PELO: variants seen among roughly 807,000 people sequenced by gnomAD.
PELO encodes the protein protein pelota homolog.
PELO carries 19 observed loss-of-function variants against 25.9 expected under a neutral mutation model. That is an observed-to-expected ratio of 0.73 (90% CI 0.51 to 1.08). The LOEUF (loss-of-function observed/expected upper bound fraction) is 1.08, where lower values mean the gene tolerates loss of function less well. PELO is among the 50% of genes least tolerant of loss of function. PELO has a pLI of 0.00. For synonymous variants in PELO, 196 were observed against 192.2 expected, an observed-to-expected ratio of 1.02 and a Z score of -0.16; for missense variants, 498 against 491.4, an observed-to-expected ratio of 1.01 and a Z score of -0.13.
At chr5:52,797,142 A>G (rs1203916042) in intron 1 of PELO, among the ~76,000 whole-genome samples, 1 of 152,098 alleles carries the variant, frequency 6.6e-6, no homozygotes, top group Non-Finnish European at 1.5e-5. Flanking sequence ...AATCTGGGTG[A>G]AAACATCTAA....
Position 52,802,065 on chromosome 5 carries a change from T to C in PELO, c.*225T>C, listed in dbSNP as rs1413691237. 2.2e-6 allele frequency: 1 copy of C among 446,148 alleles called. No individual in the cohort carries two copies. Among genetic ancestry groups the C allele is most frequent in the African/African-American group, 2.0e-5 (1 of 50,548 alleles). The allele number at this position is 446,148 out of a possible 1,614,324, so 27.6% of individuals were successfully genotyped here. A position where few individuals can be genotyped will look rare whatever the true frequency, so the allele number is the denominator to read the frequency against. On this transcript the variant is annotated 3_prime_UTR_variant, in exon 3 of 3. Transcript: ENST00000274311. ...GTACTACCATCTTGATTAAATTGTG[T>C]AATTTTTTATAGGAATTATGAGTTA...
At position 52,802,315 on chromosome 5, in the gene PELO, C is replaced by T. The variant is rs1322240330; in HGVS notation, c.*475C>T. On this transcript the variant is annotated 3_prime_UTR_variant, in exon 3 of 3. Coordinates refer to ENST00000274311, the MANE Select transcript of PELO (RefSeq NM_015946.5). The stretch of plus-strand genomic sequence containing the variant: ...CTTTTCTCCCCACCTCCACACACTA[C>T]ATTTTTTTTAGATTTAAATAGTTTT... The T allele has an allele frequency of 6.6e-6, 1 of 152,326 alleles. No homozygotes were observed. The highest frequency in any genetic ancestry group is 1.5e-5 in the Non-Finnish European group (1 of 68,150). 9.4% of individuals were successfully genotyped at this position (152,326 alleles called of 1,614,324 possible). A position where few individuals can be genotyped will look rare whatever the true frequency, so the allele number is the denominator to read the frequency against.
chr5:52,795,839 T>C (rs1193000812), intron 1 of PELO, among the ~76,000 whole-genome samples: 2 of 151,914 alleles, frequency 1.3e-5, no homozygotes, highest in African/African-American at 4.8e-5. Flanking sequence ...TTATTTATCA[T>C]TTAGAATGAA....
At chr5:52,789,814 C>G (rs1243372694) in intron 1 of PELO, among the ~76,000 whole-genome samples, 1 of 152,164 alleles carries the variant, frequency 6.6e-6, no homozygotes, top group Non-Finnish European at 1.5e-5. Flanking sequence ...ACCAAATAAG[C>G]AGTCTCTAGA....
At chr5:52,788,444 C>G (rs540338895) in intron 1 of PELO, 30 bp downstream of exon 1, 3 of 1,470,152 alleles carry the variant, frequency 2.0e-6, no homozygotes, top group East Asian at 2.9e-5. Flanking sequence ...CTGAGCATCT[C>G]CTGCTCGCGG....
intron 1 of PELO, among the ~76,000 whole-genome samples, chr5:52,792,093 G>A (rs993023141): frequency 1.3e-5 from 2 of 152,190 alleles, no homozygotes; most frequent in African/African-American, 4.8e-5. Flanking sequence ...AGCATTAAGT[G>A]TAACTCAAGT....
At chr5:52,798,089 T>C (rs1303862981) in intron 1 of PELO, among the ~76,000 whole-genome samples, 2 of 152,174 alleles carry the variant, frequency 1.3e-5, no homozygotes, top group African/African-American at 4.8e-5. Context: ...CAATTAGGAA[T>C]TTTAAGTTAA....
chr5:52,801,547 C>A lies in PELO; in HGVS notation c.865C>A (p.Pro289Thr). 1.9e-6 allele frequency: 3 copies of A among 1,614,124 alleles called. No individual in the cohort carries two copies. Among genetic ancestry groups the A allele is most frequent in the Non-Finnish European group, 2.5e-6 (3 of 1,180,018 alleles). The change falls in exon 3 of 3, where the codon CCG (proline) becomes ACG (threonine). Residue 289 changes from proline to threonine, a missense_variant. Coordinates refer to ENST00000274311, the MANE Select transcript of PELO (RefSeq NM_015946.5). Reference protein sequence around the residue: ...DDFYKMLQHEPDRAFYGLKQV... With the variant: ...DDFYKMLQHETDRAFYGLKQV... ...CTTCTATAAAATGTTACAGCATGAACCGGATCGAGCTTTCTATGGACTCAA... is the reference window on the plus strand; with the variant it reads ...CTTCTATAAAATGTTACAGCATGAAACGGATCGAGCTTTCTATGGACTCAA...
At position 52,796,810 on chromosome 5, in the gene PELO, A is replaced by G. The variant is rs186054055; in HGVS notation, c.-510-3075A>G. On this transcript the variant is annotated intron_variant, in intron 1 of 2. Coordinates refer to ENST00000274311, the MANE Select transcript of PELO (RefSeq NM_015946.5). The stretch of plus-strand genomic sequence containing the variant: ...TAAATTAACATGGATTCAAGTTTAC[A>G]TGGTTTCAAGTTTGAGATAACATTT... Among the ~76,000 whole-genome samples the G allele has an allele frequency of 1.8e-4, 28 of 152,238 alleles. 1 individual carries two copies. Among genetic ancestry groups the G allele is most frequent in the African/African-American group, 6.3e-4 (26 of 41,570 alleles).
intron 1 of PELO, among the ~76,000 whole-genome samples, chr5:52,789,426 G>A (rs1381186440): frequency 6.6e-6 from 1 of 152,142 alleles, no homozygotes; most frequent in African/African-American, 2.4e-5. Flanking sequence ...CTAAAAACAG[G>A]GTAGAGCCAG....
chr5:52,800,496 G>A lies in PELO; in HGVS notation c.102G>A (p.Gln34=), dbSNP rs1244135378. The part of the protein sequence containing the change: ...EDMWHTYNLV[Q]VGDSLRASTI... The stretch of plus-strand genomic sequence containing the variant: ...TGTGGCACACTTACAACCTCGTGCA[G>A]GTGGGCGACAGCCTGCGCGCCTCCA... Residue 34 remains glutamine, a synonymous_variant, in exon 2 of 3, where the codon CAG becomes CAA. Transcript: ENST00000274311. 1.2e-6 allele frequency: 2 copies of A among 1,614,122 alleles called. No individual in the cohort carries two copies. Among genetic ancestry groups the A allele is most frequent in the African/African-American group, 1.3e-5 (1 of 75,066 alleles).
chr5:52,799,718 G>A (rs992900409), intron 1 of PELO, among the ~76,000 whole-genome samples, 167 bp from the exon 2 acceptor site: 1 of 152,224 alleles, frequency 6.6e-6, no homozygotes, highest in African/African-American at 2.4e-5. Context: ...TAAGGCAAGA[G>A]CAAAAACGAG....
chr5:52,801,205 T>G, intron 2 of PELO, 85 bp downstream of exon 2: 1 of 1,363,324 alleles, frequency 7.3e-7, no homozygotes, highest in Non-Finnish European at 1.0e-6. Context: ...CTGGGAAAAA[T>G]AAGAAGAGAA....
chr5:52,796,505 A>G (rs927325481), intron 1 of PELO, among the ~76,000 whole-genome samples: 1 of 152,184 alleles, frequency 6.6e-6, no homozygotes, highest in Non-Finnish European at 1.5e-5. Context: ...ATTTTTCTCA[A>G]TACTTTGCTC....
chr5:52,795,459 C>T (rs1373076882), intron 1 of PELO, among the ~76,000 whole-genome samples: 1 of 151,932 alleles, frequency 6.6e-6, no homozygotes, highest in Non-Finnish European at 1.5e-5. Context: ...TTCCATCTTT[C>T]AGGAGCCCAT....
At chr5:52,793,589 A>C (rs552433305) in intron 1 of PELO, among the ~76,000 whole-genome samples, 1 of 152,186 alleles carries the variant, frequency 6.6e-6, no homozygotes, top group African/African-American at 2.4e-5. Flanking sequence ...AGTGTATGGT[A>C]CTTTTTACCA....
rs773508583 is a variant in PELO at position 52,801,631 on chromosome 5, C to T, written c.949C>T (p.Leu317Phe). 3.7e-6 allele frequency: 6 copies of T among 1,613,990 alleles called. No individual in the cohort carries two copies. The African/African-American group carries it at 5.3e-5, about 14-fold the overall frequency. ...TGACACATTGCTCATCAGCGATGAGCTCTTCAGGCATCAGGATGTAGCCAC... is the reference window on the plus strand; with the variant it reads ...TGACACATTGCTCATCAGCGATGAGTTCTTCAGGCATCAGGATGTAGCCAC... ...AIDTLLISDE[L>F]FRHQDVATRS... is the part of the protein sequence containing the mutation. Residue 317 changes from leucine to phenylalanine, a missense_variant, in exon 3 of 3, where the codon CTC (leucine) becomes TTC (phenylalanine). By Grantham distance (22) the Leu-to-Phe change is conservative. Transcript: ENST00000274311.
chr5:52,801,295 A>T (rs1748475450), intron 2 of PELO, 114 bp from the exon 3 acceptor site: 2 of 1,139,664 alleles, frequency 1.8e-6, no homozygotes, highest in Non-Finnish European at 2.5e-6. Context: ...TATGGAGTAA[A>T]CTTCGCTGAA....
chr5:52,792,486 T>C (rs1748261403), intron 1 of PELO, among the ~76,000 whole-genome samples: 1 of 152,196 alleles, frequency 6.6e-6, no homozygotes, highest in South Asian at 2.1e-4. Flanking sequence ...CTAGTTTAAC[T>C]ATTTCTCTTC....
Sources: gnomAD v4.1 joint callset for allele counts (sites outside exome capture counted in the v4.1 genomes callset) on GRCh38, gnomAD v4.1.1 for gene constraint, MANE v1.5 for transcripts, NCBI Gene and HGNC (gene_info 2026-07-23, HGNC 2026-07-21) for gene names.